Variants in ZNF462 observed in about 807,000 individuals in gnomAD.
ZNF462 encodes the protein zinc finger PBX1-interacting protein.
In ZNF462, 10 loss-of-function variants were observed where a neutral mutation model predicts 201.9. That is an observed-to-expected ratio of 0.05 (90% CI 0.03 to 0.08). The LOEUF is 0.08. Ranked by LOEUF, ZNF462 falls within the 10% of genes least tolerant of loss-of-function variation. The pLI, the probability that ZNF462 is intolerant of heterozygous loss-of-function variation, is 1.00. For missense variants in ZNF462, 2,523 were observed against 3,168.3 expected, an observed-to-expected ratio of 0.80 and a Z score of 4.89; for synonymous variants, 1,227 against 1,193.3, an observed-to-expected ratio of 1.03 and a Z score of -0.58.
Position 106,930,437 on chromosome 9 carries a change from A to G in ZNF462, c.5848-88A>G. 1 of 1,529,246 alleles carries G rather than the reference A, an allele frequency of 6.5e-7. No individual in the cohort carries two copies. 94.7% of individuals were successfully genotyped at this position (1,529,246 alleles called of 1,614,324 possible). A position where few individuals can be genotyped will look rare whatever the true frequency, so the allele number is the denominator to read the frequency against. On this transcript the variant is annotated intron_variant, in intron 3 of 12. Transcript: ENST00000277225. The surrounding 1 kb of genome is among the most constrained non-coding windows in gnomAD (Gnocchi z 5.8). ...TTTTTAACCTGCTAATCGGCTTTAA[A>G]ATAAAGTATGTTAGTAAACTGCAAG...
chr9:106,971,842 T>C (rs1163289798), intron 7 of ZNF462, among the ~76,000 whole-genome samples, 163 bp from the exon 8 acceptor site: 1 of 152,160 alleles, frequency 6.6e-6, no homozygotes, highest in East Asian at 1.9e-4. Context: ...GATACATATA[T>C]CAAATCATCA....
intron 10 of ZNF462, among the ~76,000 whole-genome samples, chr9:106,996,263 C>T (rs909296513): frequency 5.9e-5 from 9 of 151,478 alleles, no homozygotes; most frequent in African/African-American, 1.9e-4. Context: ...GTGAATAGTG[C>T]CACAATAAAC....
intron 1 of ZNF462, among the ~76,000 whole-genome samples, chr9:106,893,323 T>C (rs549779363): frequency 3.3e-5 from 5 of 152,334 alleles, no homozygotes; most frequent in African/African-American, 1.2e-4. Context: ...TGCTTTGTAG[T>C]CTTTTAAAGG....
At chr9:107,004,376 G>A (rs928803828) in intron 11 of ZNF462, among the ~76,000 whole-genome samples, 14 of 152,124 alleles carry the variant, frequency 9.2e-5, no homozygotes, top group African/African-American at 3.1e-4. Flanking sequence ...CATGACTAGA[G>A]AGGACTGTAC....
rs960727085 is a variant in ZNF462, at chr9:106,981,477, G to A, written c.6833-2709G>A. Among the ~76,000 whole-genome samples, 6 of 152,098 alleles carry A rather than the reference G, an allele frequency of 3.9e-5. No individual in the cohort carries two copies. The highest frequency in any genetic ancestry group is 1.2e-4 in the African/African-American group (5 of 41,410). ...GAAGTAGCTTAATTGATCAGTTCTCGGTTTCCACATCAACAAACTGAAGAA... is the reference window on the plus strand; with the variant it reads ...GAAGTAGCTTAATTGATCAGTTCTCAGTTTCCACATCAACAAACTGAAGAA... On this transcript the variant is annotated intron_variant, in intron 9 of 12. Transcript: ENST00000277225. The surrounding 1 kb of genome is among the most constrained non-coding windows in gnomAD (Gnocchi z 4.0).
At chr9:106,946,415 G>T (rs1007878310) in intron 7 of ZNF462, among the ~76,000 whole-genome samples, 1 of 152,090 alleles carries the variant, frequency 6.6e-6, no homozygotes, top group African/African-American at 2.4e-5. Flanking sequence ...TCTGTCCCTG[G>T]AGCTGAAGCT....
rs189616747 is a variant in ZNF462, at chr9:106,874,470, C to T, written c.-31+11115C>T. 3.3e-3 allele frequency among the ~76,000 whole-genome samples: 508 copies of T among 152,300 alleles called. 2 individuals carry two copies. The highest frequency in any genetic ancestry group is 4.9e-3 in the Non-Finnish European group (336 of 68,034). The stretch of plus-strand genomic sequence containing the variant: ...AGTGAGAACTGGGAATTTGCGAACA[C>T]ATTCAATTTGAGGGGCTCCATAGGA... On this transcript the variant is annotated intron_variant, in intron 1 of 12. Coordinates refer to ENST00000277225, the MANE Select transcript of ZNF462 (RefSeq NM_021224.6).
rs746826090 is a variant in ZNF462 at position 106,912,098 on chromosome 9, C to T, written c.-30-11256C>T. Among the ~76,000 whole-genome samples, 8 of 152,172 alleles carry T rather than the reference C, an allele frequency of 5.3e-5. No individual in the cohort carries two copies. The South Asian group carries it at 8.3e-4, about 16-fold the overall frequency. The stretch of plus-strand genomic sequence containing the variant: ...CCTTTCCTTTCCATTTTACATGAAC[C>T]GACCCTGCTATGTCCAGATCCTCCT... On this transcript the variant is annotated intron_variant, in intron 1 of 12. Transcript: ENST00000277225.
In ZNF462 at chr9:106,972,757, C is replaced by T. The variant is rs114132547; in HGVS notation, c.6695+485C>T. Among the ~76,000 whole-genome samples, 2,682 of 152,182 alleles carry T rather than the reference C, an allele frequency of 0.018. 79 individuals are homozygous for T. Among genetic ancestry groups the T allele is most frequent in the African/African-American group, 0.061 (2,537 of 41,490 alleles). On this transcript the variant is annotated intron_variant, in intron 8 of 12. Coordinates refer to ENST00000277225, the MANE Select transcript of ZNF462 (RefSeq NM_021224.6). This position sits in a 1 kb window ranked among gnomAD's most constrained non-coding sequence, Gnocchi z 4.8. ...TAGAGAATCAAGACCCTGGCACTTC[C>T]AACACTACACTTGAGCAATCATAGG... is the stretch of plus-strand genomic sequence containing the variant.
chr9:106,901,192 GT>G (rs1564085887), intron 1 of ZNF462, among the ~76,000 whole-genome samples: 4 of 152,182 alleles, frequency 2.6e-5, no homozygotes, highest in African/African-American at 9.6e-5. Context: ...CCCACTTTAT[GT>G]TTTTGTTTGC....
chr9:106,904,167 G>C (rs1288532478), intron 1 of ZNF462, among the ~76,000 whole-genome samples: 1 of 106,432 alleles, frequency 9.4e-6, no homozygotes, highest in African/African-American at 3.8e-5. Context: ...GAAAACAAGT[G>C]TATCTTTCCT....
chr9:106,998,375 C>T (rs967243667), intron 10 of ZNF462, among the ~76,000 whole-genome samples: 1 of 152,104 alleles, frequency 6.6e-6, no homozygotes, highest in African/African-American at 2.4e-5. Context: ...GTTTGCTATC[C>T]TAGTACAATA....
At chr9:106,991,175 A>G (rs1269638113) in intron 10 of ZNF462, among the ~76,000 whole-genome samples, 7 of 152,170 alleles carry the variant, frequency 4.6e-5, no homozygotes, top group Non-Finnish European at 1.0e-4. Context: ...AATCTACAAA[A>G]AAAAGCTACT....
chr9:107,001,353 A>G (rs993426206), intron 10 of ZNF462, among the ~76,000 whole-genome samples: 5 of 152,168 alleles, frequency 3.3e-5, no homozygotes, highest in Non-Finnish European at 7.4e-5. Context: ...AGCATTCCCA[A>G]GAGCCAAAAC....
rs529200048 is a variant in ZNF462, at chr9:106,938,983, C to T, written c.6303C>T (p.His2101=). 3 of 1,613,994 alleles carry T rather than the reference C, an allele frequency of 1.9e-6. No homozygotes were observed. In the African/African-American group the frequency reaches 4.0e-5, roughly 22 times the overall value. ...STMTISQLKE[H]SLKVHGKALT... is the part of the protein sequence containing the mutation. ...TGACAATCAGCCAGCTGAAGGAACA[C>T]TCCCTCAAGGTCCACGGAAAAGCCC... Residue 2101 remains histidine (H), a synonymous_variant, in exon 7 of 13, where the codon CAC becomes CAT. Coordinates refer to ENST00000277225, the MANE Select transcript of ZNF462 (RefSeq NM_021224.6). This position sits in a 1 kb window ranked among gnomAD's most constrained non-coding sequence, Gnocchi z 4.4.
chr9:106,893,878 G>C (rs539524986), intron 1 of ZNF462, among the ~76,000 whole-genome samples: 1 of 152,316 alleles, frequency 6.6e-6, no homozygotes, highest in Non-Finnish European at 1.5e-5. Flanking sequence ...ACGCAGGTCA[G>C]TTGCGCTCTA....
intron 1 of ZNF462, among the ~76,000 whole-genome samples, chr9:106,869,453 A>G (rs986216681): frequency 1.3e-5 from 2 of 152,222 alleles, no homozygotes; most frequent in East Asian, 1.9e-4. Context: ...ATGGGTTTCC[A>G]CTTCTGTCTC....
chr9:106,932,801 C>T lies in ZNF462; in HGVS notation c.6116+252C>T. The T allele has an allele frequency of 3.4e-6, 2 of 590,632 alleles. No individual in the cohort carries two copies. Among genetic ancestry groups the T allele is most frequent in the Non-Finnish European group, 6.0e-6 (2 of 334,350 alleles). 36.6% of individuals were successfully genotyped at this position (590,632 alleles called of 1,614,324 possible). A position where few individuals can be genotyped will look rare whatever the true frequency, so the allele number is the denominator to read the frequency against. ...ATTGGAGGAATTGCTATGATTTACC[C>T]AAAGGTAAAATGGCATCTGTGGAGA... On this transcript the variant is annotated intron_variant, in intron 5 of 12. Transcript: ENST00000277225. The surrounding 1 kb of genome is among the most constrained non-coding windows in gnomAD (Gnocchi z 6.8).
In ZNF462 at chr9:106,972,322, C is replaced by G; in HGVS notation, c.6695+50C>G. 6.3e-7 allele frequency: 1 copy of G among 1,577,914 alleles called. No individual in the cohort carries two copies. The highest frequency in any genetic ancestry group is 8.6e-7 in the Non-Finnish European group (1 of 1,161,754). ...GGAAAACAAGGCGGCCGCCCCTGCTCCACCCCTCACTGCAGGCTTCCCTTA... is the reference window on the plus strand; with the variant it reads ...GGAAAACAAGGCGGCCGCCCCTGCTGCACCCCTCACTGCAGGCTTCCCTTA... On this transcript the variant is annotated intron_variant, in intron 8 of 12. Coordinates refer to ENST00000277225, the MANE Select transcript of ZNF462 (RefSeq NM_021224.6). This position sits in a 1 kb window ranked among gnomAD's most constrained non-coding sequence, Gnocchi z 4.8.
Sources: gnomAD v4.1 joint callset for allele counts (sites outside exome capture counted in the v4.1 genomes callset) on GRCh38, gnomAD v4.1.1 for gene constraint, Gnocchi (gnomAD v3.1) non-coding constraint, MANE v1.5 for transcripts, NCBI Gene and HGNC (gene_info 2026-07-23, HGNC 2026-07-21) for gene names.